DAPK1: variants seen among roughly 807,000 people sequenced by gnomAD.
DAPK1 encodes death associated protein kinase 1.
DAPK1 carries 56 observed loss-of-function variants against 144.9 expected under a neutral mutation model. The observed-to-expected ratio is 0.39, with a 90% CI of 0.31 to 0.48. The LOEUF is 0.48. Ranked by LOEUF, DAPK1 falls within the 20% of genes least tolerant of loss-of-function variation. DAPK1 has a pLI of 0.95. For missense variants in DAPK1, 1,454 were observed against 1,875.4 expected (o/e 0.78, Z 4.15); for synonymous variants, 690 against 749.0 (o/e 0.92, Z 1.29).
chr9:87,600,496 G>C (rs1407852817), intron 2 of DAPK1, among the ~76,000 whole-genome samples: 1 of 152,184 alleles, frequency 6.6e-6, no homozygotes, highest in Non-Finnish European at 1.5e-5. Flanking sequence ...TGGAGGCCAA[G>C]GTGGGAGGAT....
At chr9:87,546,161 C>T (rs1252781749) in intron 2 of DAPK1, among the ~76,000 whole-genome samples, 2 of 152,022 alleles carry the variant, frequency 1.3e-5, no homozygotes, top group African/African-American at 4.8e-5. Flanking sequence ...AGGTTTTATT[C>T]AGATATGGTG....
rs545373033 is a variant in DAPK1, at chr9:87,580,192, G to A, written c.63-24762G>A. On this transcript the variant is annotated intron_variant, in intron 2 of 25. Coordinates refer to ENST00000408954, the MANE Select transcript of DAPK1 (RefSeq NM_004938.4). ...TTAACTGTGGGTCAGAGAACTTCAC[G>A]GTCATTGATGAAACTGCCCTGTGTG... Among the ~76,000 whole-genome samples, 36 of 152,192 alleles carry A rather than the reference G, an allele frequency of 2.4e-4. No individual in the cohort carries two copies. The South Asian group carries it at 3.5e-3, about 15-fold the overall frequency.
chr9:87,680,000 C>T (rs1587839046), intron 19 of DAPK1, among the ~76,000 whole-genome samples: 1 of 151,916 alleles, frequency 6.6e-6, no homozygotes, highest in Non-Finnish European at 1.5e-5. Flanking sequence ...CCTGGCTTTC[C>T]ATTTTCTTTC....
chr9:87,509,288 GTTAT>G (rs1198931404), intron 2 of DAPK1, among the ~76,000 whole-genome samples: 2 of 152,174 alleles, frequency 1.3e-5, no homozygotes, highest in African/African-American at 4.8e-5. Context: ...GCGCTAAAAA[GTTAT>G]TTATTACCTT....
chr9:87,548,259 A>G (rs1261099033), intron 2 of DAPK1, among the ~76,000 whole-genome samples: 3 of 152,180 alleles, frequency 2.0e-5, no homozygotes, highest in African/African-American at 7.2e-5. Flanking sequence ...TTTCCTAAAC[A>G]TCAATCTTTT....
chr9:87,654,686 A>C (rs1564051301), intron 17 of DAPK1, among the ~76,000 whole-genome samples: 1 of 152,190 alleles, frequency 6.6e-6, no homozygotes, highest in Non-Finnish European at 1.5e-5. Flanking sequence ...CTTTAAATGA[A>C]TCAAAAGCAG....
At position 87,544,687 on chromosome 9, in the gene DAPK1, G is replaced by A. The variant is rs527494726; in HGVS notation, c.62+45548G>A. On this transcript the variant is annotated intron_variant, in intron 2 of 25. Coordinates refer to ENST00000408954, the MANE Select transcript of DAPK1 (RefSeq NM_004938.4). ...GGTGGTCCCTACAGTCCTTTTTCTC[G>A]GGCTCTTACTGGTGAGATGGATTAT... is the stretch of plus-strand genomic sequence containing the variant. 1.1e-4 allele frequency among the ~76,000 whole-genome samples: 16 copies of A among 151,884 alleles called. No homozygotes were observed. The South Asian group carries it at 3.1e-3, about 30-fold the overall frequency.
Position 87,508,594 on chromosome 9 carries a change from G to A in DAPK1, c.62+9455G>A, listed in dbSNP as rs961503662. ...CCTGACCTCGTGATCCGCCCACCTC[G>A]GCCTCCCAAAGTGCTGGGATTACAG... On this transcript the variant is annotated intron_variant, in intron 2 of 25. Transcript: ENST00000408954. 3.6e-4 allele frequency among the ~76,000 whole-genome samples: 54 copies of A among 151,940 alleles called. 1 individual carries two copies. Among genetic ancestry groups the A allele is most frequent in the Non-Finnish European group, 1.3e-4 (9 of 67,974 alleles).
At chr9:87,633,883 ATGGTGT>A (rs1829795940) in intron 3 of DAPK1, among the ~76,000 whole-genome samples, 1 of 152,152 alleles carries the variant, frequency 6.6e-6, no homozygotes, top group African/African-American at 2.4e-5. Context: ...AAGAGTGTGC[ATGGTGT>A]TTATTAAGAA....
intron 13 of DAPK1, 96 bp downstream of exon 13, chr9:87,646,655 C>G (rs1419773726): frequency 3.3e-6 from 3 of 900,250 alleles, no homozygotes; most frequent in Non-Finnish European, 5.2e-6. Flanking sequence ...TATGTCCTAA[C>G]TTGTTTCTCA....
At chr9:87,658,335 C>T (rs1164748845) in intron 18 of DAPK1, among the ~76,000 whole-genome samples, 1 of 152,246 alleles carries the variant, frequency 6.6e-6, no homozygotes, top group Non-Finnish European at 1.5e-5. Flanking sequence ...CTTCTCATCT[C>T]ACCACACCCT....
Position 87,649,933 on chromosome 9 carries a change from C to T in DAPK1, c.1441C>T (p.Pro481Ser). 6.2e-7 allele frequency: 1 copy of T among 1,614,168 alleles called. No homozygotes were observed. The highest frequency in any genetic ancestry group is 8.5e-7 in the Non-Finnish European group (1 of 1,180,026). Residue 481 changes from proline (P) to serine (S), a missense_variant, in exon 16 of 26, where the codon CCC becomes TCC. Transcript: ENST00000408954. ...TCTCCTTGGCCAGGAAGAAGAAACCCCCCTGCACTGTGCTGCTTGGCACGG... is the reference window on the plus strand; with the variant it reads ...TCTCCTTGGCCAGGAAGAAGAAACCTCCCTGCACTGTGCTGCTTGGCACGG... ...PNIQDKEEET[P>S]LHCAAWHGYY...
chr9:87,655,026 G>A (rs938246049), intron 17 of DAPK1, among the ~76,000 whole-genome samples: 2 of 152,196 alleles, frequency 1.3e-5, no homozygotes, highest in East Asian at 3.8e-4. Context: ...AAGTAAAGTC[G>A]ATAAATGCTG....
chr9:87,686,517 A>G lies in DAPK1; in HGVS notation c.2225-34A>G. ...AGGGAGACAGGCACACGCTGCCCCC[A>G]TCGAGTACTCATGTGATCCTTTCCA... On this transcript the variant is annotated intron_variant, in intron 20 of 25. Coordinates refer to ENST00000408954, the MANE Select transcript of DAPK1 (RefSeq NM_004938.4). This position sits in a 1 kb window ranked among gnomAD's most constrained non-coding sequence, Gnocchi z 4.2. The G allele has an allele frequency of 1.5e-6, 2 of 1,293,094 alleles. No individual in the cohort carries two copies. Among genetic ancestry groups the G allele is most frequent in the Non-Finnish European group, 2.2e-6 (2 of 913,284 alleles). The allele number at this position is 1,293,094 out of a possible 1,614,324, so 80.1% of individuals were successfully genotyped here.
chr9:87,614,261 C>T (rs1049399522), intron 3 of DAPK1, among the ~76,000 whole-genome samples: 2 of 152,070 alleles, frequency 1.3e-5, no homozygotes, highest in African/African-American at 4.8e-5. Flanking sequence ...ACAAACAAAC[C>T]CTATGTGGTA....
chr9:87,557,945 C>T (rs1291111971), intron 2 of DAPK1, among the ~76,000 whole-genome samples: 2 of 142,690 alleles, frequency 1.4e-5, no homozygotes, highest in South Asian at 4.2e-4. Flanking sequence ...CGTCTGAAGA[C>T]AAACAAACAA....
chr9:87,659,280 G>C (rs888436057), intron 18 of DAPK1, among the ~76,000 whole-genome samples: 2 of 152,042 alleles, frequency 1.3e-5, no homozygotes, highest in Admixed American at 6.5e-5. Context: ...CCAGTACTCC[G>C]CATGGGGTGA....
rs768913480 is a variant in DAPK1, at chr9:87,571,498, AAC to A, written c.63-33427_63-33426del. ...ACCAACACACACACACACACACCCC[AAC>A]ACACACACACACACACACACACACA... On this transcript the variant is annotated intron_variant, in intron 2 of 25. Transcript: ENST00000408954. 1.7e-3 allele frequency among the ~76,000 whole-genome samples: 80 copies of A among 46,468 alleles called. 5 individuals carry two copies. Among genetic ancestry groups the A allele is most frequent in the South Asian group, 3.8e-3 (3 of 792 alleles). The allele number at this position is 46,468 out of a possible 152,430, so 30.5% of individuals were successfully genotyped here. A position where few individuals can be genotyped will look rare whatever the true frequency, so the allele number is the denominator to read the frequency against.
chr9:87,605,788 GT>G (rs964554608), intron 3 of DAPK1, among the ~76,000 whole-genome samples: 1 of 152,150 alleles, frequency 6.6e-6, no homozygotes, highest in African/African-American at 2.4e-5. Flanking sequence ...ATTCTGTGGC[GT>G]TTCTCATCTC....
Sources: allele counts gnomAD v4.1 joint callset (sites outside exome capture counted in the v4.1 genomes callset), GRCh38; gene constraint gnomAD v4.1.1; non-coding constraint Gnocchi (gnomAD v3.1); transcripts MANE v1.5; gene names NCBI Gene and HGNC (gene_info 2026-07-23, HGNC 2026-07-21).